HERC1: variants seen among roughly 807,000 people sequenced by gnomAD.
HERC1 encodes probable E3 ubiquitin-protein ligase HERC1.
In HERC1, 160 loss-of-function variants were observed where a neutral mutation model predicts 554.3. The ratio of observed to expected loss-of-function variants is 0.29; its 90% CI spans 0.25 to 0.33. HERC1 has a LOEUF of 0.33. Ranked by LOEUF, HERC1 falls within the 10% of genes least tolerant of loss-of-function variation. The probability of loss-of-function intolerance (pLI) is 1.00; values close to 1 mark genes in which losing one functional copy is unlikely to be tolerated. For missense variants in HERC1, 4,919 were observed against 5,918.5 expected (o/e 0.83, Z 5.54); for synonymous variants, 2,175 against 2,131.7 (o/e 1.02, Z -0.56).
At position 63,666,431 on chromosome 15, in the gene HERC1, G is replaced by A; in HGVS notation, c.8248C>T (p.Pro2750Ser). The stretch of plus-strand genomic sequence containing the variant: ...AGCAAGGGAACTGCAATTGCTGGAG[G>A]AGGAGGAGAAGTTGAAAGTCTACTG... ...PSSRLSTSPP[P>S]PAIAVPLLEM... The change falls in exon 41 of 78, where the codon CCT becomes TCT. Residue 2750 changes from proline to serine, a missense_variant. Around this residue, in one of 11 missense-constraint regions of HERC1, gnomAD observed 1,963 missense variants for 2,228.6 expected, o/e 0.88. Transcript: ENST00000443617. The A allele has an allele frequency of 2.5e-6, 4 of 1,613,622 alleles. No individual in the cohort carries two copies. The highest frequency in any genetic ancestry group is 3.4e-6 in the Non-Finnish European group (4 of 1,179,742).
intron 1 of HERC1, among the ~76,000 whole-genome samples, chr15:63,791,946 C>T (rs577777717): frequency 6.6e-6 from 1 of 152,224 alleles, no homozygotes; most frequent in Non-Finnish European, 1.5e-5. Flanking sequence ...TAATCAACTG[C>T]TTTCCAGTGT....
chr15:63,803,943 A>G (rs568183566), intron 1 of HERC1, among the ~76,000 whole-genome samples: 2 of 152,318 alleles, frequency 1.3e-5, no homozygotes, highest in South Asian at 4.1e-4. Context: ...ATCAAGATAG[A>G]TCAACAGAAC....
chr15:63,700,122 T>C (rs1019593326), intron 25 of HERC1, among the ~76,000 whole-genome samples: 1 of 152,180 alleles, frequency 6.6e-6, no homozygotes, highest in African/African-American at 2.4e-5. Context: ...TTTATTGTTT[T>C]AATGTATTCC....
intron 51 of HERC1, among the ~76,000 whole-genome samples, chr15:63,653,072 A>G (rs1451779158): frequency 6.6e-6 from 1 of 152,252 alleles, no homozygotes; most frequent in Non-Finnish European, 1.5e-5. Flanking sequence ...TTTACTAAAT[A>G]TGTTTACTTA....
chr15:63,776,804 T>A (rs1267975345), intron 1 of HERC1, among the ~76,000 whole-genome samples: 2 of 151,924 alleles, frequency 1.3e-5, no homozygotes, highest in African/African-American at 4.8e-5. Flanking sequence ...CGTCTCTACA[T>A]AAGAAAATAA....
intron 1 of HERC1, among the ~76,000 whole-genome samples, chr15:63,817,400 G>A (rs75962830): frequency 0.031 from 4,772 of 152,130 alleles, 203 homozygotes; most frequent in East Asian, 0.24. Context: ...TAAACATTAC[G>A]TATGTCAAGG....
chr15:63,763,586 T>C (rs1429669900), intron 3 of HERC1, among the ~76,000 whole-genome samples: 1 of 152,012 alleles, frequency 6.6e-6, no homozygotes, highest in East Asian at 1.9e-4. Flanking sequence ...TTCCTTTTTT[T>C]TTTTTTAATG....
rs1165149150 is a variant in HERC1 at position 63,727,699 on chromosome 15, G to A, written c.3294C>T (p.Leu1098=). 3.7e-6 allele frequency: 6 copies of A among 1,613,804 alleles called. No individual in the cohort carries two copies. Among genetic ancestry groups the A allele is most frequent in the Non-Finnish European group, 5.1e-6 (6 of 1,179,834 alleles). Residue 1098 remains leucine (L), a synonymous_variant, in exon 17 of 78, where the codon CTC becomes CTT. Transcript: ENST00000443617. This position sits in a 1 kb window ranked among gnomAD's most constrained non-coding sequence, Gnocchi z 4.3. ...CTTCTAAAAGATCAGCAGCTGGCAG[G>A]AGTCTATTAAGGCAATCAAGAGGTG... ...LLPPLDCLNR[L]LPAADLLEDQ...
In HERC1 at chr15:63,615,763, C is replaced by T; in HGVS notation, c.14094+5G>A. The T allele has an allele frequency of 6.3e-7, 1 of 1,577,054 alleles. No homozygotes were observed. The highest frequency in any genetic ancestry group is 8.6e-7 in the Non-Finnish European group (1 of 1,165,480). Reference sequence around the variant, plus strand: ...ATGTGTACCTCCCGAGATGTTTCATCTCACCTGTCTGTCCATCTCATGAAG... The same window carrying T: ...ATGTGTACCTCCCGAGATGTTTCATTTCACCTGTCTGTCCATCTCATGAAG... On this transcript the variant is annotated splice_donor_5th_base_variant and intron_variant, in intron 76 of 77. Coordinates refer to ENST00000443617, the MANE Select transcript of HERC1 (RefSeq NM_003922.4).
rs564370144 is a variant in HERC1, at chr15:63,741,221, G to C, written c.2520+5697C>G. ...TTTTTGTATTTTTAGTAGAGACGGG[G>C]TTTCACCATGTTGGTCAGGCTGGTC... On this transcript the variant is annotated intron_variant, in intron 12 of 77. Coordinates refer to ENST00000443617, the MANE Select transcript of HERC1 (RefSeq NM_003922.4). Among the ~76,000 whole-genome samples the C allele has an allele frequency of 9.4e-4, 142 of 151,820 alleles. 1 individual carries two copies. Among genetic ancestry groups the C allele is most frequent in the African/African-American group, 3.3e-3 (138 of 41,424 alleles).
chr15:63,714,730 G>C (rs779201878), intron 22 of HERC1, among the ~76,000 whole-genome samples: 30 of 151,634 alleles, frequency 2.0e-4, no homozygotes, highest in Non-Finnish European at 2.5e-4. Flanking sequence ...TGTATCTTTA[G>C]TAGAGATGGG....
chr15:63,703,109 CAAAAAAAAAA>C (rs372589572), intron 25 of HERC1, among the ~76,000 whole-genome samples: 1 of 91,754 alleles, frequency 1.1e-5, no homozygotes, highest in East Asian at 4.8e-4. Flanking sequence ...GACTCTGTCT[CAAAAAAAAAA>C]AAAAAAAAAG....
chr15:63,806,612 C>A (rs2077147415), intron 1 of HERC1, among the ~76,000 whole-genome samples: 1 of 152,256 alleles, frequency 6.6e-6, no homozygotes, highest in South Asian at 2.1e-4. Context: ...AGCTTTCTCA[C>A]TGCAAGGGCT....
At chr15:63,696,712 T>C (rs1030706398) in intron 26 of HERC1, among the ~76,000 whole-genome samples, 1 of 152,150 alleles carries the variant, frequency 6.6e-6, no homozygotes, top group African/African-American at 2.4e-5. Flanking sequence ...CACACAGCTA[T>C]TGTGAAGCTC....
intron 14 of HERC1, among the ~76,000 whole-genome samples, chr15:63,730,296 A>T (rs930811826): frequency 3.4e-5 from 5 of 149,144 alleles, no homozygotes; most frequent in Admixed American, 6.7e-5. Context: ...CTCTAAAAAA[A>T]TTTTTTTTTT....
Position 63,615,228 on chromosome 15 carries a change from C to T in HERC1, c.14094+540G>A, listed in dbSNP as rs192485158. On this transcript the variant is annotated intron_variant, in intron 76 of 77. Transcript: ENST00000443617. ...ATGCCAGATGAAAACAGTCTCAATC[C>T]AACCAAAGACCAATTCAGAACCGAT... Among the ~76,000 whole-genome samples, 240 of 152,240 alleles carry T rather than the reference C, an allele frequency of 1.6e-3. 1 individual carries two copies. Among genetic ancestry groups the T allele is most frequent in the African/African-American group, 5.6e-3 (231 of 41,530 alleles).
intron 3 of HERC1, among the ~76,000 whole-genome samples, chr15:63,761,828 G>A (rs2075621252): frequency 6.6e-6 from 1 of 152,150 alleles, no homozygotes; most frequent in Non-Finnish European, 1.5e-5. Flanking sequence ...TTGGGAATTA[G>A]CAATCTTAGT....
At chr15:63,632,099 A>G (rs565273097) in intron 68 of HERC1, among the ~76,000 whole-genome samples, 53 of 152,290 alleles carry the variant, frequency 3.5e-4, no homozygotes, top group African/African-American at 1.2e-3. Context: ...TCCATTCAAC[A>G]TAACTAAAAC....
At chr15:63,698,037 A>T (rs762601724) in intron 26 of HERC1, among the ~76,000 whole-genome samples, 14 of 152,206 alleles carry the variant, frequency 9.2e-5, no homozygotes, top group Admixed American at 1.3e-4. Flanking sequence ...AGCATTCAAC[A>T]GTGGGTCTTG....
Sources: gnomAD v4.1 joint callset for allele counts (sites outside exome capture counted in the v4.1 genomes callset) on GRCh38, gnomAD v4.1.1 for gene constraint, gnomAD v4.1.1 regional missense constraint, Gnocchi (gnomAD v3.1) non-coding constraint, MANE v1.5 for transcripts, NCBI Gene and HGNC (gene_info 2026-07-23, HGNC 2026-07-21) for gene names.